Variants in SEC23IP observed in about 807,000 individuals in gnomAD.
SEC23IP encodes the protein SEC23-interacting protein.
Under a neutral mutation model 113.4 loss-of-function variants are expected in SEC23IP, and 70 were observed. That is an observed-to-expected ratio of 0.62 (90% CI 0.51 to 0.75). The LOEUF (loss-of-function observed/expected upper bound fraction) is 0.75, where lower values mean the gene tolerates loss of function less well. Ranked by LOEUF, SEC23IP falls within the 30% of genes least tolerant of loss-of-function variation. SEC23IP has a pLI of 0.00. For missense variants in SEC23IP, 1,160 were observed against 1,204.9 expected (o/e 0.96, Z 0.55); for synonymous variants, 398 against 421.0 (o/e 0.95, Z 0.67).
In SEC23IP at chr10:119,942,132, T is replaced by A. The variant is rs575219400; in HGVS notation, c.*1567T>A. On this transcript the variant is annotated 3_prime_UTR_variant, in exon 19 of 19. Transcript: ENST00000369075. ...ATATACATTTCAATAAAATCCAATTTGATTTTTCAACTTACATCTGATTTT... is the reference window on the plus strand; with the variant it reads ...ATATACATTTCAATAAAATCCAATTAGATTTTTCAACTTACATCTGATTTT... The A allele has an allele frequency of 1.3e-5, 2 of 152,338 alleles. No homozygotes were observed. The highest frequency in any genetic ancestry group is 6.5e-5 in the Admixed American group (1 of 15,298). The allele number at this position is 152,338 out of a possible 1,614,324, so 9.4% of individuals were successfully genotyped here.
chr10:119,915,141 G>A (rs572007324), intron 7 of SEC23IP, among the ~76,000 whole-genome samples: 22 of 152,326 alleles, frequency 1.4e-4, no homozygotes, highest in African/African-American at 5.3e-4. Flanking sequence ...GTTGGGAGAA[G>A]TTGTTTAATG....
intron 12 of SEC23IP, among the ~76,000 whole-genome samples, chr10:119,922,677 C>T (rs1320026055): frequency 1.3e-5 from 2 of 152,118 alleles, no homozygotes; most frequent in Non-Finnish European, 2.9e-5. Flanking sequence ...AAGGGAGCAA[C>T]TCAAAAGACA....
intron 13 of SEC23IP, among the ~76,000 whole-genome samples, chr10:119,928,789 C>G (rs1855498216): frequency 1.3e-5 from 2 of 152,222 alleles, no homozygotes; most frequent in African/African-American, 4.8e-5. Context: ...TACATGTAAG[C>G]TACTCAAAAT....
intron 1 of SEC23IP, among the ~76,000 whole-genome samples, chr10:119,895,650 G>C (rs1854257666): frequency 6.6e-6 from 1 of 152,200 alleles, no homozygotes; most frequent in South Asian, 2.1e-4. Flanking sequence ...GGGAGGTGAT[G>C]CTTGAGCTGA....
rs1854342614 is a variant in SEC23IP at position 119,898,138 on chromosome 10, T to C, written c.164-289T>C. On this transcript the variant is annotated intron_variant, in intron 1 of 18. Transcript: ENST00000369075. ...TTTATTTTAGAAGTATGGAAGGGTATGTAGCAAAATGTTAACAGTGTTAAC... is the reference window on the plus strand; with the variant it reads ...TTTATTTTAGAAGTATGGAAGGGTACGTAGCAAAATGTTAACAGTGTTAAC... 3 of 270,174 alleles carry C rather than the reference T, an allele frequency of 1.1e-5. No individual in the cohort carries two copies. In the Admixed American group the frequency reaches 1.6e-4, roughly 14 times the overall value. The allele number at this position is 270,174 out of a possible 1,614,324, so 16.7% of individuals were successfully genotyped here.
At position 119,936,543 on chromosome 10, in the gene SEC23IP, C is replaced by CA. The variant is rs35075710; in HGVS notation, c.*20+2777dup. On this transcript the variant is annotated intron_variant, in intron 18 of 18. Transcript: ENST00000369075. ...TGGGCAACAGCATGCGATTCCGTCTCAAAAAAAAAAAAAAAAAAAAAGCTT... is the reference window on the plus strand; with the variant it reads ...TGGGCAACAGCATGCGATTCCGTCTCAAAAAAAAAAAAAAAAAAAAAAGCTT... Among the ~76,000 whole-genome samples the CA allele has an allele frequency of 5.4e-3, 413 of 76,604 alleles. 2 individuals are homozygous for CA. Among genetic ancestry groups the CA allele is most frequent in the Middle Eastern group, 0.028 (5 of 178 alleles). The allele number at this position is 76,604 out of a possible 152,430, so 50.3% of individuals were successfully genotyped here.
At chr10:119,931,645 C>A (rs529194272) in intron 15 of SEC23IP, among the ~76,000 whole-genome samples, 1 of 151,588 alleles carries the variant, frequency 6.6e-6, no homozygotes, top group Non-Finnish European at 1.5e-5. Flanking sequence ...CTCTGCCTCC[C>A]GGGTTCATGC....
At chr10:119,916,059 CTG>C (rs897022640) in intron 8 of SEC23IP, among the ~76,000 whole-genome samples, 170 bp downstream of exon 8, 7 of 152,164 alleles carry the variant, frequency 4.6e-5, no homozygotes, top group Non-Finnish European at 8.8e-5. Flanking sequence ...ACTTTTCTCT[CTG>C]TGTGTGTGCA....
intron 4 of SEC23IP, among the ~76,000 whole-genome samples, chr10:119,907,589 G>A (rs1049539834): frequency 6.6e-6 from 1 of 152,062 alleles, no homozygotes; most frequent in Non-Finnish European, 1.5e-5. Flanking sequence ...TCGGCCCTCC[G>A]TATCCACAGG....
At chr10:119,930,159 A>G (rs965468969) in intron 14 of SEC23IP, among the ~76,000 whole-genome samples, 170 bp from the exon 15 acceptor site, 1 of 152,228 alleles carries the variant, frequency 6.6e-6, no homozygotes, top group African/African-American at 2.4e-5. Flanking sequence ...AAGTAATCTT[A>G]CACACAAACT....
In SEC23IP at chr10:119,902,844, A is replaced by G. The variant is rs1351327121; in HGVS notation, c.742A>G (p.Arg248Gly). The G allele has an allele frequency of 6.2e-7, 1 of 1,614,092 alleles. No homozygotes were observed. The highest frequency in any genetic ancestry group is 8.5e-7 in the Non-Finnish European group (1 of 1,180,046). The change falls in exon 3 of 19, where the codon AGA becomes GGA. Residue 248 changes from arginine to glycine, a missense_variant. Arg to Gly is a moderately radical substitution (Grantham distance 125). Coordinates refer to ENST00000369075, the MANE Select transcript of SEC23IP (RefSeq NM_007190.4). Reference protein sequence around the residue: ...QSPAQQQVPARPGAPSVQVPS... With the variant: ...QSPAQQQVPAGPGAPSVQVPS... ...ACCGGCACAGCAGCAGGTACCTGCC[A>G]GACCTGGGGCTCCCTCTGTTCAAGT...
intron 1 of SEC23IP, among the ~76,000 whole-genome samples, chr10:119,897,154 C>T (rs1476274979): frequency 6.6e-6 from 1 of 152,192 alleles, no homozygotes; most frequent in African/African-American, 2.4e-5. Context: ...TGAGTGAGTC[C>T]AGCCCTCTGA....
intron 1 of SEC23IP, among the ~76,000 whole-genome samples, chr10:119,893,276 T>G (rs1407339627): frequency 6.6e-6 from 1 of 152,028 alleles, no homozygotes; most frequent in Non-Finnish European, 1.5e-5. Flanking sequence ...ACAGTGGCCC[T>G]CTCCTAGGGT....
rs555782630 is a variant in SEC23IP, at chr10:119,925,940, A to T, written c.2122-96A>T. 1.2e-5 allele frequency: 12 copies of T among 999,266 alleles called. No individual in the cohort carries two copies. In the South Asian group the frequency reaches 2.0e-4, roughly 17 times the overall value. 61.9% of individuals were successfully genotyped at this position (999,266 alleles called of 1,614,324 possible). On this transcript the variant is annotated intron_variant, in intron 12 of 18. Transcript: ENST00000369075. ...TTGTTACTATTCCTAAGAAGTAGCT[A>T]ATCATTCCTTAATACTGAGATAGCA...
chr10:119,909,441 C>T (rs1193766014), intron 5 of SEC23IP, among the ~76,000 whole-genome samples: 2 of 152,012 alleles, frequency 1.3e-5, no homozygotes, highest in East Asian at 3.9e-4. Flanking sequence ...GAAAAATTAG[C>T]TGGGTGTAGT....
At chr10:119,933,577 CCTT>C (rs1855677934) in intron 17 of SEC23IP, 106 bp from the exon 18 acceptor site, 3 of 647,628 alleles carry the variant, frequency 4.6e-6, no homozygotes, top group Non-Finnish European at 2.7e-6. Context: ...TATCATTTGC[CCTT>C]CTTAGATAGA....
chr10:119,927,083 A>G (rs1278553016), intron 13 of SEC23IP, among the ~76,000 whole-genome samples: 1 of 152,090 alleles, frequency 6.6e-6, no homozygotes, highest in South Asian at 2.1e-4. Flanking sequence ...CATTTTTTGT[A>G]GAGACAGTCT....
intron 14 of SEC23IP, 89 bp from the exon 15 acceptor site, chr10:119,930,240 G>A (rs1564923640): frequency 6.5e-6 from 4 of 613,518 alleles, no homozygotes; most frequent in Non-Finnish European, 2.8e-6. Context: ...GATTTGCCAT[G>A]TATCCATTTT....
chr10:119,902,393 A>G (rs1332566449), intron 2 of SEC23IP, among the ~76,000 whole-genome samples: 1 of 152,286 alleles, frequency 6.6e-6, no homozygotes, highest in East Asian at 1.9e-4. Context: ...GTATTGCTAG[A>G]TTGATTTCTG....
Sources: gnomAD v4.1 joint callset for allele counts (sites outside exome capture counted in the v4.1 genomes callset) on GRCh38, gnomAD v4.1.1 for gene constraint, MANE v1.5 for transcripts, NCBI Gene and HGNC (gene_info 2026-07-23, HGNC 2026-07-21) for gene names.